HERC6: variants seen among roughly 807,000 people sequenced by gnomAD.
HERC6 encodes the protein probable E3 ubiquitin-protein ligase HERC6.
A neutral mutation model predicts 114.5 loss-of-function variants in HERC6; 101 were observed. That is an observed-to-expected ratio of 0.88 (90% CI 0.75 to 1.04). HERC6 has a LOEUF of 1.04. HERC6 is among the 50% of genes least tolerant of loss of function. The probability of loss-of-function intolerance (pLI) is 0.00; values close to 1 mark genes in which losing one functional copy is unlikely to be tolerated. For missense variants in HERC6, 1,133 were observed against 1,230.9 expected (o/e 0.92, Z 1.19); for synonymous variants, 408 against 436.2 (o/e 0.94, Z 0.81).
chr4:88,407,923 G>A (rs1006898990), intron 10 of HERC6, among the ~76,000 whole-genome samples: 1 of 152,172 alleles, frequency 6.6e-6, no homozygotes, highest in Non-Finnish European at 1.5e-5. Flanking sequence ...TGAGAGGGAA[G>A]GCTGGAGGTT....
chr4:88,387,145 C>T (rs1238817406), intron 3 of HERC6, among the ~76,000 whole-genome samples: 1 of 152,198 alleles, frequency 6.6e-6, no homozygotes, highest in East Asian at 1.9e-4. Context: ...ACCTGTATTT[C>T]CAGCACTTAG....
chr4:88,414,481 T>C (rs990507120), intron 12 of HERC6, among the ~76,000 whole-genome samples: 6 of 152,166 alleles, frequency 3.9e-5, no homozygotes, highest in Admixed American at 2.0e-4. Context: ...CAAGAAATAA[T>C]TCAGGGAGCG....
At chr4:88,383,669 G>A (rs927068545) in intron 2 of HERC6, among the ~76,000 whole-genome samples, 11 of 149,894 alleles carry the variant, frequency 7.3e-5, no homozygotes, top group African/African-American at 2.4e-4. Context: ...AGGCTGAAGC[G>A]GGAGAATCGC....
chr4:88,385,709 T>G, intron 3 of HERC6, 134 bp downstream of exon 3: 1 of 572,026 alleles, frequency 1.7e-6, no homozygotes, highest in Non-Finnish European at 3.1e-6. Context: ...ATATATTGTT[T>G]TCCTATTTTT....
intron 5 of HERC6, 134 bp from the exon 6 acceptor site, chr4:88,395,881 G>A (rs961434654): frequency 4.5e-6 from 3 of 671,936 alleles, no homozygotes; most frequent in Admixed American, 7.4e-5. Flanking sequence ...AAAAAATAAA[G>A]GATCTCTCCT....
intron 4 of HERC6, among the ~76,000 whole-genome samples, chr4:88,391,463 A>G (rs923486920): frequency 3.3e-5 from 5 of 152,220 alleles, no homozygotes; most frequent in Admixed American, 3.3e-4. Context: ...AACTTAACAT[A>G]TTTACAGGCT....
rs776084926 is a variant in HERC6 at position 88,423,901 on chromosome 4, C to A, written c.1755C>A (p.Asn585Lys). 2.5e-6 allele frequency: 4 copies of A among 1,574,104 alleles called. No individual in the cohort carries two copies. Among genetic ancestry groups the A allele is most frequent in the Non-Finnish European group, 3.4e-6 (4 of 1,162,378 alleles). ...ANCRLPENTF[N>K]INELSNLLNF... The stretch of plus-strand genomic sequence containing the variant: ...GTCGACTACCAGAAAATACTTTCAA[C>A]ATAAATGAACTCTCCAACTTATTAA... The change falls in exon 14 of 23, where the codon AAC (asparagine) becomes AAA (lysine). Residue 585 changes from asparagine to lysine, a missense_variant. Asn to Lys is a moderately conservative substitution (Grantham distance 94). Around this residue, in one of 3 missense-constraint regions of HERC6, gnomAD observed 735 missense variants for 754.0 expected, o/e 0.97. Coordinates refer to ENST00000264346, the MANE Select transcript of HERC6 (RefSeq NM_017912.4).
intron 3 of HERC6, among the ~76,000 whole-genome samples, chr4:88,389,974 C>T (rs923749643): frequency 7.3e-5 from 11 of 151,702 alleles, no homozygotes; most frequent in African/African-American, 1.7e-4. Flanking sequence ...GTCAGGAGTT[C>T]GACATCAACC....
At chr4:88,440,470 G>A in intron 22 of HERC6, 1 of 461,198 alleles carries the variant, frequency 2.2e-6, no homozygotes. Flanking sequence ...GCTACAGAGA[G>A]GGGTCCCAGA....
chr4:88,405,189 C>T (rs1202448426), intron 9 of HERC6, among the ~76,000 whole-genome samples, 192 bp downstream of exon 9: 4 of 152,098 alleles, frequency 2.6e-5, no homozygotes, highest in African/African-American at 9.7e-5. Flanking sequence ...ATGTGATATC[C>T]CAGGTGACTT....
intron 1 of HERC6, among the ~76,000 whole-genome samples, chr4:88,380,218 A>G (rs1578362548): frequency 1.3e-5 from 1 of 74,810 alleles, no homozygotes; most frequent in Non-Finnish European, 2.3e-5. Flanking sequence ...TATAATATAT[A>G]AATATATAAT....
At chr4:88,412,119 T>C (rs1237840383) in intron 11 of HERC6, among the ~76,000 whole-genome samples, 4 of 152,186 alleles carry the variant, frequency 2.6e-5, no homozygotes, top group Admixed American at 1.3e-4. Context: ...CTCTCCTTGC[T>C]CATCTGTAAA....
intron 3 of HERC6, among the ~76,000 whole-genome samples, chr4:88,386,455 C>CT (rs1227382579): frequency 6.6e-6 from 1 of 152,122 alleles, no homozygotes; most frequent in Non-Finnish European, 1.5e-5. Flanking sequence ...ATCCACCTGC[C>CT]TTGGTCTCCC....
At chr4:88,405,112 A>T in intron 9 of HERC6, 115 bp downstream of exon 9, 1 of 1,302,266 alleles carries the variant, frequency 7.7e-7, no homozygotes, top group South Asian at 1.4e-5. Flanking sequence ...TTTGACCATG[A>T]TTCTCTTCTA....
intron 19 of HERC6, 73 bp downstream of exon 19, chr4:88,437,044 C>A: frequency 1.8e-6 from 2 of 1,104,920 alleles, no homozygotes; most frequent in Non-Finnish European, 2.6e-6. Flanking sequence ...ATTATAGTAT[C>A]TTAAATTTGG....
At chr4:88,424,071 G>A (rs1430344557) in intron 14 of HERC6, 98 bp downstream of exon 14, 26 of 605,248 alleles carry the variant, frequency 4.3e-5, no homozygotes, top group Non-Finnish European at 5.9e-5. Context: ...ATCAGGATTT[G>A]AAAATTTTTT....
intron 13 of HERC6, among the ~76,000 whole-genome samples, chr4:88,422,150 T>A (rs1393378155): frequency 1.3e-5 from 2 of 152,204 alleles, no homozygotes; most frequent in African/African-American, 4.8e-5. Context: ...TTTAACTGTC[T>A]TTGATGTATA....
At position 88,394,528 on chromosome 4, in the gene HERC6, A is replaced by AATTATTATT. The variant is rs200735450; in HGVS notation, c.759+968_759+976dup. Among the ~76,000 whole-genome samples the AATTATTATT allele has an allele frequency of 9.8e-4, 140 of 142,304 alleles. 3 individuals carry two copies. The highest frequency in any genetic ancestry group is 2.9e-3 in the Admixed American group (41 of 14,120). The allele number at this position is 142,304 out of a possible 152,430, so 93.4% of individuals were successfully genotyped here. On this transcript the variant is annotated intron_variant, in intron 5 of 22. Transcript: ENST00000264346. ...AATACAGGAACTAATCCCTTTTAGC[A>AATTATTATT]ATTATTATTATTATTATTATTATTA...
At chr4:88,421,451 CTTT>C (rs200388722) in intron 13 of HERC6, among the ~76,000 whole-genome samples, 1 of 133,902 alleles carries the variant, frequency 7.5e-6, no homozygotes. Context: ...CTTTTCTTTT[CTTT>C]TTTTTTTTTT....
Sources: allele counts gnomAD v4.1 joint callset (sites outside exome capture counted in the v4.1 genomes callset), GRCh38; gene constraint gnomAD v4.1.1; regional missense constraint gnomAD v4.1.1; transcripts MANE v1.5; gene names NCBI Gene and HGNC (gene_info 2026-07-23, HGNC 2026-07-21).